AQR: variants seen among roughly 807,000 people sequenced by gnomAD.
AQR encodes aquarius intron-binding spliceosomal factor, also known as RNA helicase aquarius.
In AQR, 61 loss-of-function variants were observed where a neutral mutation model predicts 180.5. The observed-to-expected ratio is 0.34, with a 90% confidence interval of 0.28 to 0.42. AQR has a LOEUF of 0.42. Ranked by LOEUF, AQR falls within the 10% of genes least tolerant of loss-of-function variation. AQR has a pLI of 1.00. For missense variants in AQR, 1,281 were observed against 1,798.3 expected (o/e 0.71, Z 5.20); for synonymous variants, 551 against 588.8 (o/e 0.94, Z 0.93).
chr15:34,917,780 C>T (rs969265070), intron 15 of AQR, among the ~76,000 whole-genome samples: 15 of 147,088 alleles, frequency 1.0e-4, no homozygotes, highest in African/African-American at 3.8e-4. Flanking sequence ...CTCAGGAGTT[C>T]GAGATCAGCC....
rs144363235 is a variant in AQR at position 34,961,098 on chromosome 15, C to A, written c.133-284G>T. The stretch of plus-strand genomic sequence containing the variant: ...TAGGGAAAATAAAAATTCACAAGAT[C>A]AGGATTTTTTTTAAACTTAAAGTGT... On this transcript the variant is annotated intron_variant, in intron 2 of 34. Coordinates refer to ENST00000156471, the MANE Select transcript of AQR (RefSeq NM_014691.3). Among the ~76,000 whole-genome samples, 812 of 152,070 alleles carry A rather than the reference C, an allele frequency of 5.3e-3. 10 individuals are homozygous for A. Among genetic ancestry groups the A allele is most frequent in the African/African-American group, 0.019 (769 of 41,484 alleles).
intron 19 of AQR, among the ~76,000 whole-genome samples, chr15:34,903,189 A>G (rs1346168903): frequency 6.6e-6 from 1 of 152,166 alleles, no homozygotes; most frequent in African/African-American, 2.4e-5. Context: ...TTTAAAAAAC[A>G]GCAAAAAGGA....
At chr15:34,912,766 A>G (rs1893519960) in intron 16 of AQR, among the ~76,000 whole-genome samples, 1 of 152,178 alleles carries the variant, frequency 6.6e-6, no homozygotes, top group Non-Finnish European at 1.5e-5. Flanking sequence ...TTTGGGAAAT[A>G]CGTAACATAA....
rs74434123 is a variant in AQR at position 34,916,454 on chromosome 15, T to A, written c.1343-1275A>T. On this transcript the variant is annotated intron_variant, in intron 15 of 34. Coordinates refer to ENST00000156471, the MANE Select transcript of AQR (RefSeq NM_014691.3). ...TTGTCCATACTACCAAAAAAAAAAA[T>A]AAACTTAAATACAACAAACATTGAT... Among the ~76,000 whole-genome samples the A allele has an allele frequency of 8.9e-3, 1,330 of 149,534 alleles. 20 individuals carry two copies. The highest frequency in any genetic ancestry group is 0.031 in the African/African-American group (1,249 of 40,852).
At chr15:34,863,469 T>C (rs1892698825) in intron 32 of AQR, among the ~76,000 whole-genome samples, 1 of 152,204 alleles carries the variant, frequency 6.6e-6, no homozygotes, top group Non-Finnish European at 1.5e-5. Context: ...CACTGTTTTA[T>C]ACTTATTTAC....
chr15:34,877,925 G>A (rs1318528202), intron 27 of AQR, among the ~76,000 whole-genome samples: 4 of 152,088 alleles, frequency 2.6e-5, no homozygotes, highest in African/African-American at 4.8e-5. Context: ...CCAGTTCCAC[G>A]GTTCTTTAAT....
chr15:34,969,392 T>C, intron 1 of AQR, 147 bp downstream of exon 1: 2 of 862,798 alleles, frequency 2.3e-6, no homozygotes, highest in Non-Finnish European at 3.7e-6. Flanking sequence ...GGCACGGAGC[T>C]GATACTCAGT....
intron 17 of AQR, among the ~76,000 whole-genome samples, chr15:34,909,386 G>A (rs1273979047): frequency 1.3e-5 from 2 of 152,172 alleles, no homozygotes; most frequent in Non-Finnish European, 2.9e-5. Context: ...ATTGGACTTA[G>A]TAATTTTGAA....
At chr15:34,951,894 C>T (rs1894239661) in intron 4 of AQR, among the ~76,000 whole-genome samples, 2 of 152,108 alleles carry the variant, frequency 1.3e-5, no homozygotes, top group South Asian at 4.1e-4. Context: ...TTTCTAGCCT[C>T]AGTTTTCTCC....
chr15:34,952,882 T>TA lies in AQR; in HGVS notation c.209+2dup, dbSNP rs1247334360. ...TTCATCAATGGAATGCCTTATAACT[T>TA]ACCTAAATTCCAAGAGCATTATCTT... On this transcript the variant is annotated splice_region_variant and intron_variant, in intron 4 of 34. Transcript: ENST00000156471. The TA allele has an allele frequency of 6.8e-7, 1 of 1,468,152 alleles. No homozygotes were observed. The highest frequency in any genetic ancestry group is 9.4e-7 in the Non-Finnish European group (1 of 1,067,236). 90.9% of individuals were successfully genotyped at this position (1,468,152 alleles called of 1,614,324 possible).
chr15:34,860,166 GA>G lies in AQR; in HGVS notation c.4030-12del. On this transcript the variant is annotated splice_polypyrimidine_tract_variant and intron_variant, in intron 33 of 34. Transcript: ENST00000156471. ...TGGTCTCTCTCCATTCTAGAAGAAG[GA>G]AAAAAGAACGTTAAGTATCTAGTAA... 3.5e-6 allele frequency: 5 copies of G among 1,418,876 alleles called. No homozygotes were observed. Among genetic ancestry groups the G allele is most frequent in the South Asian group, 3.0e-5 (2 of 66,892 alleles). 87.9% of individuals were successfully genotyped at this position (1,418,876 alleles called of 1,614,324 possible). A position where few individuals can be genotyped will look rare whatever the true frequency, so the allele number is the denominator to read the frequency against.
Position 34,944,359 on chromosome 15 carries a change from T to C in AQR, c.400A>G (p.Thr134Ala). 6.2e-7 allele frequency: 1 copy of C among 1,611,186 alleles called. No homozygotes were observed. Among genetic ancestry groups the C allele is most frequent in the Non-Finnish European group, 8.5e-7 (1 of 1,178,832 alleles). Residue 134 changes from threonine (T) to alanine (A), a missense_variant, in exon 6 of 35, where the codon ACT (threonine) becomes GCT (alanine). By Grantham distance (58) the Thr-to-Ala change is moderately conservative (BLOSUM62 0). Coordinates refer to ENST00000156471, the MANE Select transcript of AQR (RefSeq NM_014691.3). The part of the protein sequence containing the change: ...KHILKAALAE[T>A]DGEFSLHEQT... ...TCATGAAGTGAAAATTCACCATCAG[T>C]TTCAGCTAATGCCGCCTTCAAGATG...
chr15:34,882,731 T>G, intron 26 of AQR, 92 bp from the exon 27 acceptor site: 1 of 1,121,076 alleles, frequency 8.9e-7, no homozygotes, highest in Non-Finnish European at 1.2e-6. Context: ...TCCTGAGAAA[T>G]TAACATAAAT....
intron 1 of AQR, among the ~76,000 whole-genome samples, chr15:34,966,045 A>G (rs1026017573): frequency 6.6e-6 from 1 of 152,200 alleles, no homozygotes; most frequent in African/African-American, 2.4e-5. Flanking sequence ...CTCACAGTAT[A>G]TACACATTGC....
chr15:34,874,654 AT>A (rs756949703), intron 29 of AQR, 22 bp downstream of exon 29: 23 of 1,610,450 alleles, frequency 1.4e-5, no homozygotes, highest in Non-Finnish European at 1.9e-5. Flanking sequence ...AATGGGAATG[AT>A]TTTTTTTCCT....
chr15:34,908,387 G>A (rs1893451299), intron 17 of AQR, among the ~76,000 whole-genome samples: 1 of 151,824 alleles, frequency 6.6e-6, no homozygotes, highest in Non-Finnish European at 1.5e-5. Flanking sequence ...AGTGAGCCGA[G>A]ATTGTGCCAC....
intron 16 of AQR, among the ~76,000 whole-genome samples, chr15:34,914,736 A>C (rs1382951728): frequency 6.6e-6 from 1 of 152,052 alleles, no homozygotes; most frequent in Non-Finnish European, 1.5e-5. Flanking sequence ...ATCGGCCTTT[A>C]AGTAAGGTCT....
intron 13 of AQR, among the ~76,000 whole-genome samples, chr15:34,924,763 T>C (rs1893732734): frequency 6.6e-6 from 1 of 152,138 alleles, no homozygotes; most frequent in Admixed American, 6.6e-5. Context: ...TTAATAAATG[T>C]TTAAAATCTT....
intron 3 of AQR, among the ~76,000 whole-genome samples, chr15:34,955,796 C>T (rs939716629): frequency 6.6e-6 from 1 of 151,666 alleles, no homozygotes; most frequent in African/African-American, 2.4e-5. Context: ...GTAATCCCAA[C>T]TTCTAGGGAG....
Sources: allele counts gnomAD v4.1 joint callset (sites outside exome capture counted in the v4.1 genomes callset), GRCh38; gene constraint gnomAD v4.1.1; transcripts MANE v1.5; gene names NCBI Gene and HGNC (gene_info 2026-07-23, HGNC 2026-07-21).